LAMC3: variants seen among roughly 807,000 people sequenced by gnomAD.
LAMC3 encodes laminin subunit gamma-3.
A neutral mutation model predicts 173.8 loss-of-function variants in LAMC3; 128 were observed. The ratio of observed to expected loss-of-function variants is 0.74; its 90% CI spans 0.64 to 0.85. The LOEUF (loss-of-function observed/expected upper bound fraction) is 0.85. Ranked by LOEUF, LAMC3 falls within the 40% of genes least tolerant of loss-of-function variation. The pLI is 0.00. For synonymous variants in LAMC3, 897 were observed against 909.1 expected, an observed-to-expected ratio of 0.99 and a Z score of 0.24; for missense variants, 2,022 against 2,156.0, an observed-to-expected ratio of 0.94 and a Z score of 1.23.
chr9:131,036,355 G>A (rs773221447), intron 4 of LAMC3, 23 bp downstream of exon 4: 1 of 1,612,302 alleles, frequency 6.2e-7, no homozygotes, highest in East Asian at 2.2e-5. Context: ...GTGTCACAGG[G>A]CATCAGGGAC....
intron 21 of LAMC3, among the ~76,000 whole-genome samples, chr9:131,076,439 TGACATTCCTAAACGA>T (rs1046864477): frequency 8.5e-5 from 13 of 152,234 alleles, no homozygotes; most frequent in East Asian, 5.8e-4. Flanking sequence ...TTGAGCCCCT[TGACATTCCTAAACGA>T]GACATTCCTA....
At chr9:131,036,768 T>C (rs1833952938) in intron 4 of LAMC3, among the ~76,000 whole-genome samples, 1 of 152,134 alleles carries the variant, frequency 6.6e-6, no homozygotes, top group Non-Finnish European at 1.5e-5. Context: ...CCACCTAACC[T>C]CAGAGAAGCG....
At chr9:131,014,400 G>A (rs1255303224) in intron 1 of LAMC3, among the ~76,000 whole-genome samples, 1 of 152,222 alleles carries the variant, frequency 6.6e-6, no homozygotes, top group East Asian at 1.9e-4. Flanking sequence ...ATGTCTGTCT[G>A]CCCCACTCAG....
chr9:131,035,972 T>G (rs1833935846), intron 3 of LAMC3, among the ~76,000 whole-genome samples, 194 bp from the exon 4 acceptor site: 1 of 152,178 alleles, frequency 6.6e-6, no homozygotes, highest in Non-Finnish European at 1.5e-5. Flanking sequence ...TGGAATGGGT[T>G]TGTTCCAGAG....
chr9:131,063,020 T>C (rs887669393), intron 13 of LAMC3, among the ~76,000 whole-genome samples: 56 of 152,270 alleles, frequency 3.7e-4, no homozygotes, highest in African/African-American at 1.3e-3. Flanking sequence ...CTTTTGGATC[T>C]GGCTTGTTTC....
intron 2 of LAMC3, among the ~76,000 whole-genome samples, chr9:131,027,573 T>C (rs1564366172): frequency 6.6e-6 from 1 of 152,048 alleles, no homozygotes; most frequent in Non-Finnish European, 1.5e-5. Context: ...GCCAGCGCAG[T>C]TGAGGAACTG....
chr9:131,073,241 A>T lies in LAMC3; in HGVS notation c.3418-4A>T. 6.2e-7 allele frequency: 1 copy of T among 1,610,780 alleles called. No individual in the cohort carries two copies. The highest frequency in any genetic ancestry group is 8.5e-7 in the Non-Finnish European group (1 of 1,178,258). On this transcript the variant is annotated splice_polypyrimidine_tract_variant and splice_region_variant and intron_variant, in intron 19 of 27. Transcript: ENST00000361069. The stretch of plus-strand genomic sequence containing the variant: ...GTTTCCTCCTCTTCCTCTTCTTTCT[A>T]CAGGAGATTCCTCAGGAAGGTCCCA...
In LAMC3 at chr9:131,091,872, T is replaced by C. The variant is rs191497722; in HGVS notation, c.*85T>C. 2 of 1,524,532 alleles carry C rather than the reference T, an allele frequency of 1.3e-6. No individual in the cohort carries two copies. Among genetic ancestry groups the C allele is most frequent in the Non-Finnish European group, 8.9e-7 (1 of 1,120,958 alleles). 94.4% of individuals were successfully genotyped at this position (1,524,532 alleles called of 1,614,324 possible). On this transcript the variant is annotated 3_prime_UTR_variant, in exon 28 of 28. Transcript: ENST00000361069. ...GCACACTACCCCACAGGTGTGCCCATACAGACATTCCCCGGAGCCGGCTGC... is the reference window on the plus strand; with the variant it reads ...GCACACTACCCCACAGGTGTGCCCACACAGACATTCCCCGGAGCCGGCTGC...
At chr9:131,056,093 G>T (rs11244264) in intron 11 of LAMC3, among the ~76,000 whole-genome samples, 1 of 152,148 alleles carries the variant, frequency 6.6e-6, no homozygotes, top group Non-Finnish European at 1.5e-5. Context: ...CTACTTGAGC[G>T]GCTGAGGCAG....
Position 131,085,555 on chromosome 9 carries a change from C to T in LAMC3, c.4062C>T (p.Asp1354=). ...GMKLQFPRPK[D]QAALQRKADS... ...AGCTGCAGTTTCCCCGGCCCAAGGA[C>T]CAGGCGGCATTGCAGAGGAAGGCAG... The change falls in exon 25 of 28, where the codon GAC becomes GAT. Residue 1354 remains aspartate, a synonymous_variant. Transcript: ENST00000361069. 6.2e-7 allele frequency: 1 copy of T among 1,614,044 alleles called. No homozygotes were observed. Among genetic ancestry groups the T allele is most frequent in the Non-Finnish European group, 8.5e-7 (1 of 1,180,014 alleles).
Position 131,087,553 on chromosome 9 carries a change from G to C in LAMC3, c.4308G>C (p.Thr1436=), listed in dbSNP as rs201023030. 4 of 1,613,912 alleles carry C rather than the reference G, an allele frequency of 2.5e-6. No individual in the cohort carries two copies. The Admixed American group carries it at 5.0e-5, about 20-fold the overall frequency. The change falls in exon 26 of 28, where the codon ACG becomes ACC. Residue 1436 remains threonine (T), a synonymous_variant. Transcript: ENST00000361069. ...ASRLTSQTQA[T]LQQASQQVLA... is the part of the protein sequence containing the mutation. ...GGCTCACCAGCCAGACGCAAGCCAC[G>C]CTCCAACAGGCGTCCCAGCAGGTGC...
intron 9 of LAMC3, among the ~76,000 whole-genome samples, chr9:131,051,718 C>G (rs927306488): frequency 1.3e-5 from 2 of 152,170 alleles, no homozygotes; most frequent in African/African-American, 4.8e-5. Flanking sequence ...AGCCCAGCCA[C>G]TTTTATTTCA....
chr9:131,038,893 T>C lies in LAMC3; in HGVS notation c.1006T>C (p.Cys336Arg). 1 of 1,613,362 alleles carries C rather than the reference T, an allele frequency of 6.2e-7. No individual in the cohort carries two copies. The highest frequency in any genetic ancestry group is 2.2e-5 in the East Asian group (1 of 44,876). ...PCNCSGRSEE[C>R]TFDRELFRST... ...CAACTGCAGTGGCCGCTCCGAGGAA[T>C]GCACGTTTGATCGGGAGCTCTTCCG... The change falls in exon 5 of 28, where the codon TGC becomes CGC. Residue 336 changes from cysteine (C) to arginine (R), a missense_variant. Physicochemically the swap from Cys to Arg is radical, Grantham distance 180. Transcript: ENST00000361069.
At chr9:131,056,898 C>G in intron 11 of LAMC3, 31 bp from the exon 12 acceptor site, 1 of 1,578,978 alleles carries the variant, frequency 6.3e-7, no homozygotes, top group South Asian at 1.1e-5. Context: ...CTTGTGCCTC[C>G]TCTCTTCCTC....
At chr9:131,010,178 A>G (rs1044731146) in intron 1 of LAMC3, among the ~76,000 whole-genome samples, 28 of 142,200 alleles carry the variant, frequency 2.0e-4, no homozygotes, top group Middle Eastern at 7.8e-3. Flanking sequence ...AAAAAAAAAA[A>G]GCTGGGCGTG....
chr9:131,080,087 G>A (rs1830211232), intron 23 of LAMC3, among the ~76,000 whole-genome samples: 1 of 151,900 alleles, frequency 6.6e-6, no homozygotes, highest in Admixed American at 6.6e-5. Context: ...ATTCTCCTGG[G>A]TCAGCCTCCA....
intron 15 of LAMC3, 102 bp from the exon 16 acceptor site, chr9:131,068,806 C>A: frequency 7.7e-7 from 1 of 1,295,938 alleles, no homozygotes; most frequent in Non-Finnish European, 1.1e-6. Context: ...GTCTTGTCAG[C>A]AGAGGGCTGT....
rs1357682014 is a variant in LAMC3, at chr9:131,061,240, C to A, written c.2347+17C>A. ...GCCAGAGAGGTAAGTGACTCCTGCC[C>A]CGGAGCCCTGCCCCGCAGAGGGCCA... On this transcript the variant is annotated intron_variant, in intron 13 of 27. Transcript: ENST00000361069. The A allele has an allele frequency of 4.4e-6, 7 of 1,594,358 alleles. No homozygotes were observed. Among genetic ancestry groups the A allele is most frequent in the Non-Finnish European group, 5.1e-6 (6 of 1,173,964 alleles).
chr9:131,039,253 G>C lies in LAMC3; in HGVS notation c.1283+5G>C. On this transcript the variant is annotated splice_donor_5th_base_variant and intron_variant, in intron 6 of 27. Transcript: ENST00000361069. ...GCTCAGTGAGGGAGGCTGCAGGTGA[G>C]GGCGAGGGGCGGCCCAGTATGGACA... The C allele has an allele frequency of 6.2e-7, 1 of 1,600,514 alleles. No homozygotes were observed. Among genetic ancestry groups the C allele is most frequent in the Non-Finnish European group, 8.5e-7 (1 of 1,178,226 alleles).
Sources: allele counts gnomAD v4.1 joint callset (sites outside exome capture counted in the v4.1 genomes callset), GRCh38; gene constraint gnomAD v4.1.1; transcripts MANE v1.5; gene names NCBI Gene and HGNC (gene_info 2026-07-23, HGNC 2026-07-21).